MAPK10: variants seen among roughly 807,000 people sequenced by gnomAD.
MAPK10 encodes mitogen-activated protein kinase 10, also known as JNK3 alpha protein kinase.
In MAPK10, 25 loss-of-function variants were observed where a neutral mutation model predicts 59.3. The observed-to-expected ratio is 0.42, with a 90% confidence interval of 0.31 to 0.59. MAPK10 has a LOEUF of 0.59. Ranked by LOEUF, MAPK10 falls within the 20% of genes least tolerant of loss-of-function variation. The probability of loss-of-function intolerance (pLI) is 0.15; values close to 1 mark genes in which losing one functional copy is unlikely to be tolerated. For missense variants in MAPK10, 351 were observed against 568.9 expected (o/e 0.62, Z 3.90); for synonymous variants, 190 against 200.5 (o/e 0.95, Z 0.44).
chr4:86,405,578 G>A (rs1270326563), intron 1 of MAPK10, among the ~76,000 whole-genome samples: 2 of 152,124 alleles, frequency 1.3e-5, no homozygotes, highest in African/African-American at 2.4e-5. Flanking sequence ...CAACATACTA[G>A]AAAGTCTACA....
In MAPK10 at chr4:86,189,416, T is replaced by G. The variant is rs139419626; in HGVS notation, c.66+4920A>C. ...TTTTTCCATTTATTTGTGTCCTCTC[T>G]TATTTCCTTCAGCCATGTTTTGTAG... On this transcript the variant is annotated intron_variant, in intron 3 of 13. Transcript: ENST00000641462. 3.2e-3 allele frequency among the ~76,000 whole-genome samples: 482 copies of G among 152,312 alleles called. 2 individuals carry two copies. Among genetic ancestry groups the G allele is most frequent in the African/African-American group, 0.011 (468 of 41,572 alleles).
intron 4 of MAPK10, among the ~76,000 whole-genome samples, chr4:86,136,372 G>T: frequency 6.6e-6 from 1 of 152,020 alleles, no homozygotes; most frequent in Non-Finnish European, 1.5e-5. Flanking sequence ...GAGAGTGGGG[G>T]CCAATATTCA....
chr4:86,324,175 G>A (rs528739126), intron 2 of MAPK10, among the ~76,000 whole-genome samples: 25 of 152,230 alleles, frequency 1.6e-4, no homozygotes, highest in African/African-American at 6.0e-4. Flanking sequence ...GGGAGGCAAT[G>A]GCAGGCAGAT....
intron 1 of MAPK10, among the ~76,000 whole-genome samples, chr4:86,365,960 G>T (rs7669675): frequency 0.16 from 24,203 of 151,948 alleles, 1,989 homozygotes; most frequent in East Asian, 0.26. Context: ...TTATTTAATG[G>T]CATGTGTGTA....
intron 1 of MAPK10, among the ~76,000 whole-genome samples, chr4:86,562,276 C>CA (rs1760736926): frequency 6.6e-6 from 1 of 151,778 alleles, no homozygotes; most frequent in Non-Finnish European, 1.5e-5. Context: ...AAGAGCCTAT[C>CA]AAAAAAATTA....
At chr4:86,167,107 A>G (rs1370743680) in intron 3 of MAPK10, among the ~76,000 whole-genome samples, 2 of 152,240 alleles carry the variant, frequency 1.3e-5, no homozygotes, top group Non-Finnish European at 2.9e-5. Flanking sequence ...CTAGACAAAT[A>G]TACTAGAAAA....
At chr4:86,101,259 A>C (rs1462556182) in intron 7 of MAPK10, 42 bp from the exon 8 acceptor site, 2 of 1,511,430 alleles carry the variant, frequency 1.3e-6, no homozygotes, top group African/African-American at 2.8e-5. Context: ...GCCAGTATCA[A>C]GTGAAATGTT....
intron 1 of MAPK10, among the ~76,000 whole-genome samples, chr4:86,359,288 C>CTCTCTCTCTCTGTGTG (rs796310826): frequency 8.9e-4 from 84 of 94,624 alleles, no homozygotes; most frequent in African/African-American, 3.5e-3. Context: ...CTCTCTCTCT[C>CTCTCTCTCTCTGTGTG]TGTGTGTGTG....
intron 2 of MAPK10, among the ~76,000 whole-genome samples, chr4:86,231,419 G>A (rs958466626): frequency 2.0e-5 from 3 of 152,048 alleles, no homozygotes; most frequent in African/African-American, 7.2e-5. Flanking sequence ...ACTTTGGGAG[G>A]TCGAGGAGGG....
At chr4:86,287,737 A>G (rs576549057) in intron 2 of MAPK10, among the ~76,000 whole-genome samples, 2 of 152,320 alleles carry the variant, frequency 1.3e-5, no homozygotes, top group Non-Finnish European at 2.9e-5. Context: ...GAAATAATTC[A>G]AGTTAGGATA....
At chr4:86,149,256 T>TTTTATTTG (rs2065779392) in intron 4 of MAPK10, among the ~76,000 whole-genome samples, 1 of 152,082 alleles carries the variant, frequency 6.6e-6, no homozygotes, top group Non-Finnish European at 1.5e-5. Flanking sequence ...TTGGATTGGA[T>TTTTATTTG]TTTATTTGTT....
At chr4:86,200,594 T>C (rs1471816442) in intron 2 of MAPK10, among the ~76,000 whole-genome samples, 1 of 151,954 alleles carries the variant, frequency 6.6e-6, no homozygotes, top group Non-Finnish European at 1.5e-5. Context: ...ATTATAATAA[T>C]GCTGCTATGA....
At chr4:86,331,254 C>T (rs1181899189) in intron 2 of MAPK10, among the ~76,000 whole-genome samples, 1 of 152,010 alleles carries the variant, frequency 6.6e-6, no homozygotes, top group Non-Finnish European at 1.5e-5. Context: ...CCATAAGAGT[C>T]AGAAAAATGG....
chr4:86,295,273 T>C (rs1430122686), intron 2 of MAPK10, among the ~76,000 whole-genome samples: 1 of 152,128 alleles, frequency 6.6e-6, no homozygotes, highest in African/African-American at 2.4e-5. Context: ...GATCTCTATT[T>C]TACTTGCTCC....
At chr4:86,493,415 G>A (rs908559572) in intron 1 of MAPK10, among the ~76,000 whole-genome samples, 5 of 152,070 alleles carry the variant, frequency 3.3e-5, no homozygotes, top group South Asian at 4.2e-4. Context: ...AAGGTCTCTC[G>A]TATATTCTAG....
At chr4:86,215,706 C>T (rs769017702) in intron 2 of MAPK10, among the ~76,000 whole-genome samples, 11 of 151,960 alleles carry the variant, frequency 7.2e-5, no homozygotes, top group Non-Finnish European at 1.3e-4. Flanking sequence ...ACTAAAAATA[C>T]AAAAAATTAG....
chr4:86,440,999 AATT>A (rs1749349165), intron 1 of MAPK10, among the ~76,000 whole-genome samples: 1 of 152,224 alleles, frequency 6.6e-6, no homozygotes, highest in Non-Finnish European at 1.5e-5. Context: ...CATCATAATT[AATT>A]ATTAATAGTG....
chr4:86,496,887 C>A (rs1294171316), intron 1 of MAPK10, among the ~76,000 whole-genome samples: 1 of 152,120 alleles, frequency 6.6e-6, no homozygotes, highest in Non-Finnish European at 1.5e-5. Flanking sequence ...CCAGATAATC[C>A]AGTTCTGCCT....
intron 4 of MAPK10, among the ~76,000 whole-genome samples, chr4:86,118,577 CAT>C (rs1263108212): frequency 4.9e-5 from 3 of 61,846 alleles, no homozygotes; most frequent in African/African-American, 2.1e-4. Flanking sequence ...TATAAATACA[CAT>C]ACACACACAC....
Sources: gnomAD v4.1 joint callset for allele counts (sites outside exome capture counted in the v4.1 genomes callset) on GRCh38, gnomAD v4.1.1 for gene constraint, MANE v1.5 for transcripts, NCBI Gene and HGNC (gene_info 2026-07-23, HGNC 2026-07-21) for gene names.